MYO18B: variants seen among roughly 807,000 people sequenced by gnomAD.
The protein encoded by MYO18B is myosin XVIIIB.
A neutral mutation model predicts 273.0 loss-of-function variants in MYO18B; 204 were observed. The ratio of observed to expected loss-of-function variants is 0.75; its 90% CI spans 0.67 to 0.84. MYO18B has a LOEUF of 0.84. Among genes scored for constraint, MYO18B ranks in the 40% least tolerant of loss-of-function variants. The pLI, the probability that MYO18B is intolerant of heterozygous loss-of-function variation, is 0.00. For synonymous variants in MYO18B, 1,330 were observed against 1,305.7 expected, an observed-to-expected ratio of 1.02 and a Z score of -0.40; for missense variants, 3,212 against 3,287.6, an observed-to-expected ratio of 0.98 and a Z score of 0.56.
At chr22:26,005,154 TTAAA>T (rs1284026691) in intron 42 of MYO18B, among the ~76,000 whole-genome samples, 2 of 152,226 alleles carry the variant, frequency 1.3e-5, no homozygotes, top group Non-Finnish European at 2.9e-5. Context: ...TTCCAGATTT[TTAAA>T]TAGCACAGGG....
intron 39 of MYO18B, among the ~76,000 whole-genome samples, chr22:25,990,225 T>C (rs1260274495): frequency 1.3e-5 from 2 of 152,106 alleles, no homozygotes; most frequent in Non-Finnish European, 2.9e-5. Flanking sequence ...GCTGAGTGTG[T>C]CCCTGTAATG....
chr22:25,836,369 G>A (rs895774691), intron 17 of MYO18B, among the ~76,000 whole-genome samples: 4 of 152,116 alleles, frequency 2.6e-5, no homozygotes, highest in Admixed American at 6.5e-5. Context: ...CTTTGTCACC[G>A]GGGTCAAGGT....
chr22:25,753,275 T>A (rs1276845515), intron 1 of MYO18B, among the ~76,000 whole-genome samples: 1 of 152,204 alleles, frequency 6.6e-6, no homozygotes, highest in African/African-American at 2.4e-5. Flanking sequence ...AGAACTTTCA[T>A]GTCTAGCTAA....
the MYO18B span, among the ~76,000 whole-genome samples, chr22:26,052,211 T>G: frequency 6.6e-6 from 1 of 152,238 alleles, no homozygotes; most frequent in Non-Finnish European, 1.5e-5. Context: ...TTGGCTGTTT[T>G]GTGGGTTGGC....
intron 34 of MYO18B, among the ~76,000 whole-genome samples, chr22:25,928,866 GAC>G (rs1279012377): frequency 6.6e-6 from 1 of 152,002 alleles, no homozygotes; most frequent in Non-Finnish European, 1.5e-5. Flanking sequence ...AAAACCCTAA[GAC>G]AGTGATCTCC....
chr22:25,907,859 A>G (rs1160524367), intron 31 of MYO18B, among the ~76,000 whole-genome samples: 1 of 151,762 alleles, frequency 6.6e-6, no homozygotes, highest in African/African-American at 2.4e-5. Context: ...ACATGGAGAA[A>G]CTCCGTTTCT....
the MYO18B span, among the ~76,000 whole-genome samples, chr22:26,053,991 A>C: frequency 6.6e-6 from 1 of 152,180 alleles, no homozygotes; most frequent in Non-Finnish European, 1.5e-5. Flanking sequence ...ACACTGATGA[A>C]AAAGTCTAGG....
At chr22:25,772,049 C>G (rs1458986781) in intron 6 of MYO18B, among the ~76,000 whole-genome samples, 1 of 152,220 alleles carries the variant, frequency 6.6e-6, no homozygotes, top group Non-Finnish European at 1.5e-5. Flanking sequence ...TGAATTTTGT[C>G]AAGTCTGCCT....
chr22:25,789,498 T>A (rs1360139944), intron 11 of MYO18B, among the ~76,000 whole-genome samples: 1 of 151,602 alleles, frequency 6.6e-6, no homozygotes, highest in East Asian at 2.0e-4. Context: ...TAGCCAGGTG[T>A]GGTGGCACGT....
Position 25,939,954 on chromosome 22 carries a change from A to G in MYO18B, c.5518-6183A>G, listed in dbSNP as rs575827377. Among the ~76,000 whole-genome samples the G allele has an allele frequency of 2.0e-5, 3 of 152,350 alleles. No homozygotes were observed. In the East Asian group the frequency reaches 5.8e-4, roughly 29 times the overall value. ...ACCTCGGAGTGCTATTCTGAAAGTT[A>G]GATGAATTAATACATGAAAAGTGTT... On this transcript the variant is annotated intron_variant, in intron 34 of 43. Coordinates refer to ENST00000335473, the MANE Select transcript of MYO18B (RefSeq NM_032608.7).
chr22:26,039,418 A>C, the MYO18B span, among the ~76,000 whole-genome samples: 11 of 152,032 alleles, frequency 7.2e-5, no homozygotes, highest in Admixed American at 1.3e-4. Context: ...ACTCATGCCC[A>C]AGTATTTTTT....
chr22:25,869,189 C>T (rs1220416542), intron 22 of MYO18B, among the ~76,000 whole-genome samples: 1 of 152,120 alleles, frequency 6.6e-6, no homozygotes, highest in Non-Finnish European at 1.5e-5. Flanking sequence ...TGGCTCATGC[C>T]TGTAATTCCA....
chr22:26,063,486 G>C, the MYO18B span, among the ~76,000 whole-genome samples: 1 of 152,166 alleles, frequency 6.6e-6, no homozygotes, highest in Admixed American at 6.5e-5. Flanking sequence ...AATACAAAAT[G>C]ACCCAAAGTG....
intron 19 of MYO18B, among the ~76,000 whole-genome samples, chr22:25,847,115 T>C (rs369115757): frequency 1.4e-3 from 214 of 151,474 alleles, no homozygotes; most frequent in African/African-American, 5.0e-3. Context: ...AAAAATAAAA[T>C]GGACCTCCTA....
Position 25,781,159 on chromosome 22 carries a change from C to T in MYO18B, c.2212-575C>T, listed in dbSNP as rs114163970. ...AAGGGAATATGTTGGAAGGTGGCCT[C>T]ATTTGATTGTTATTACCTTTGATAC... On this transcript the variant is annotated intron_variant, in intron 9 of 43. Coordinates refer to ENST00000335473, the MANE Select transcript of MYO18B (RefSeq NM_032608.7). Among the ~76,000 whole-genome samples, 1,137 of 152,296 alleles carry T rather than the reference C, an allele frequency of 7.5e-3. 14 individuals are homozygous for T. Among genetic ancestry groups the T allele is most frequent in the African/African-American group, 0.025 (1,049 of 41,566 alleles).
chr22:25,746,441 T>C (rs970370730), intron 1 of MYO18B, among the ~76,000 whole-genome samples: 2 of 152,224 alleles, frequency 1.3e-5, no homozygotes, highest in Non-Finnish European at 2.9e-5. Context: ...TATTGACATT[T>C]GGGTTGCATA....
intron 40 of MYO18B, 129 bp from the exon 41 acceptor site, chr22:26,003,136 T>G: frequency 2.5e-6 from 2 of 803,838 alleles, no homozygotes; most frequent in South Asian, 1.5e-5. Context: ...GCAAGTGACT[T>G]CCCTGAGATC....
At chr22:25,854,446 C>T (rs1325644941) in intron 21 of MYO18B, among the ~76,000 whole-genome samples, 2 of 152,052 alleles carry the variant, frequency 1.3e-5, no homozygotes, top group African/African-American at 4.8e-5. Context: ...AGTAGTAGAG[C>T]TGGGATTTGA....
Position 25,874,379 on chromosome 22 carries a change from G to T in MYO18B, c.4045G>T (p.Gly1349Cys), listed in dbSNP as rs750038688. 1 of 1,613,926 alleles carries T rather than the reference G, an allele frequency of 6.2e-7. No homozygotes were observed. The highest frequency in any genetic ancestry group is 1.1e-5 in the South Asian group (1 of 91,072). Reference sequence around the variant, plus strand: ...CGTTCTCTTCCAGGCGGCTTGCAAGGGCTTTCTGTCTCGCCAGGAATTCAA... The same window carrying T: ...CGTTCTCTTCCAGGCGGCTTGCAAGTGCTTTCTGTCTCGCCAGGAATTCAA... ...SIVLFQAACKGFLSRQEFKKL... is the reference protein window; with the variant it reads ...SIVLFQAACKCFLSRQEFKKL... Residue 1349 changes from glycine (G) to cysteine (C), a missense_variant, in exon 23 of 44, where the codon GGC becomes TGC. By Grantham distance (159) the Gly-to-Cys change is radical. Transcript: ENST00000335473.
Sources: allele counts gnomAD v4.1 joint callset (sites outside exome capture counted in the v4.1 genomes callset), GRCh38; gene constraint gnomAD v4.1.1; transcripts MANE v1.5; gene names NCBI Gene and HGNC (gene_info 2026-07-23, HGNC 2026-07-21).